Variants in ATG10 observed in about 807,000 individuals in gnomAD.
ATG10 encodes the protein autophagy related 10.
In ATG10, 30 loss-of-function variants were observed where a neutral mutation model predicts 32.1. That is an observed-to-expected ratio of 0.94 (90% CI 0.70 to 1.27). The LOEUF is 1.27. ATG10 is among the 50% of genes most tolerant of loss of function. ATG10 has a pLI of 0.00. For missense variants in ATG10, 233 were observed against 262.3 expected (o/e 0.89, Z 0.77); for synonymous variants, 87 against 91.5 (o/e 0.95, Z 0.28).
intron 3 of ATG10, among the ~76,000 whole-genome samples, chr5:82,067,270 C>T (rs1763969219): frequency 6.6e-6 from 1 of 152,076 alleles, no homozygotes; most frequent in Non-Finnish European, 1.5e-5. Flanking sequence ...GAAAACCAGT[C>T]ATGTCAGATT....
chr5:82,119,175 T>A (rs1175425291), intron 3 of ATG10, among the ~76,000 whole-genome samples: 6 of 152,224 alleles, frequency 3.9e-5, no homozygotes, highest in Non-Finnish European at 7.3e-5. Flanking sequence ...AGATTGTTTA[T>A]TGCCTGACTA....
At chr5:82,246,087 T>G (rs74912765) in intron 5 of ATG10, among the ~76,000 whole-genome samples, 1 of 151,716 alleles carries the variant, frequency 6.6e-6, no homozygotes, top group Non-Finnish European at 1.5e-5. Flanking sequence ...TTTTTTTTTT[T>G]TTGAAACAGA....
At chr5:82,139,839 TG>T (rs1165683112) in intron 3 of ATG10, among the ~76,000 whole-genome samples, 2 of 116,024 alleles carry the variant, frequency 1.7e-5, no homozygotes, top group African/African-American at 6.9e-5. Context: ...GGGAGGGAGA[TG>T]GGGGGGTCAG....
At chr5:82,244,015 A>C (rs904749492) in intron 5 of ATG10, among the ~76,000 whole-genome samples, 3 of 152,204 alleles carry the variant, frequency 2.0e-5, no homozygotes, top group Non-Finnish European at 4.4e-5. Flanking sequence ...GGTAGGGACT[A>C]TCACATAGTA....
At chr5:82,023,860 C>T (rs538103974) in intron 2 of ATG10, among the ~76,000 whole-genome samples, 2 of 152,276 alleles carry the variant, frequency 1.3e-5, no homozygotes, top group South Asian at 2.1e-4. Flanking sequence ...GTCTTATAAA[C>T]CCAGTGTTTA....
chr5:82,180,878 C>T (rs1308184512), intron 5 of ATG10, among the ~76,000 whole-genome samples: 1 of 152,018 alleles, frequency 6.6e-6, no homozygotes, highest in African/African-American at 2.4e-5. Context: ...TTTAATTCCA[C>T]GTGTCTTTGT....
intron 2 of ATG10, among the ~76,000 whole-genome samples, chr5:82,011,971 G>A (rs1282110373): frequency 1.3e-5 from 2 of 152,144 alleles, no homozygotes; most frequent in Non-Finnish European, 2.9e-5. Flanking sequence ...GTGCCAACTG[G>A]GATGACTACT....
chr5:82,044,145 G>A (rs911465927), intron 2 of ATG10, among the ~76,000 whole-genome samples: 3 of 152,102 alleles, frequency 2.0e-5, no homozygotes, highest in African/African-American at 7.2e-5. Flanking sequence ...AAGCATGACT[G>A]GAAGGCCTGA....
chr5:82,111,745 C>T (rs1164937862), intron 3 of ATG10, among the ~76,000 whole-genome samples: 1 of 151,736 alleles, frequency 6.6e-6, no homozygotes, highest in Non-Finnish European at 1.5e-5. Context: ...CTACAAATGG[C>T]CTCAAATAGA....
intron 1 of ATG10, among the ~76,000 whole-genome samples, chr5:81,974,189 A>T (rs973763697): frequency 6.6e-6 from 1 of 152,192 alleles, no homozygotes; most frequent in Non-Finnish European, 1.5e-5. Context: ...TTTGAATCAT[A>T]AATATAATCA....
At chr5:81,992,635 CT>C (rs1761498115) in intron 2 of ATG10, among the ~76,000 whole-genome samples, 2 of 151,912 alleles carry the variant, frequency 1.3e-5, no homozygotes, top group Non-Finnish European at 2.9e-5. Flanking sequence ...AACACCTGAC[CT>C]TAAGTGATCT....
chr5:82,189,563 G>C (rs1024114498), intron 5 of ATG10, among the ~76,000 whole-genome samples: 1 of 152,164 alleles, frequency 6.6e-6, no homozygotes, highest in Non-Finnish European at 1.5e-5. Context: ...GCAGCTTACT[G>C]TTCAAATTCA....
chr5:82,128,117 G>GT (rs1428349013), intron 3 of ATG10, among the ~76,000 whole-genome samples: 7 of 150,938 alleles, frequency 4.6e-5, no homozygotes, highest in South Asian at 2.1e-4. Flanking sequence ...CTGATTTTTT[G>GT]TTTTTTTGCC....
At chr5:82,218,385 A>C (rs149351344) in intron 5 of ATG10, among the ~76,000 whole-genome samples, 33 of 152,256 alleles carry the variant, frequency 2.2e-4, no homozygotes, top group African/African-American at 7.7e-4. Flanking sequence ...CATATGTCTT[A>C]CTTTCATCCT....
At chr5:82,133,809 G>T (rs1360702934) in intron 3 of ATG10, among the ~76,000 whole-genome samples, 1 of 151,718 alleles carries the variant, frequency 6.6e-6, no homozygotes, top group Admixed American at 6.6e-5. Context: ...ATAAATTTGG[G>T]CAGTATGGCC....
intron 4 of ATG10, among the ~76,000 whole-genome samples, chr5:82,167,603 T>C (rs1743632888): frequency 6.6e-6 from 1 of 152,242 alleles, no homozygotes; most frequent in Non-Finnish European, 1.5e-5. Context: ...CTTTACTCTT[T>C]AGTCTGATAC....
intron 3 of ATG10, among the ~76,000 whole-genome samples, chr5:82,059,408 T>C (rs1344807589): frequency 7.0e-6 from 1 of 142,252 alleles, no homozygotes; most frequent in African/African-American, 2.6e-5. Flanking sequence ...ACACACACAC[T>C]TTTTTTTTTT....
In ATG10 at chr5:82,124,439, T is replaced by C. The variant is rs1033529925; in HGVS notation, c.217-39960T>C. Among the ~76,000 whole-genome samples the C allele has an allele frequency of 4.0e-5, 6 of 151,806 alleles. No homozygotes were observed. In the South Asian group the frequency reaches 1.0e-3, roughly 26 times the overall value. On this transcript the variant is annotated intron_variant, in intron 3 of 7. Coordinates refer to ENST00000282185, the MANE Select transcript of ATG10 (RefSeq NM_031482.5). ...ACATTAGGTATTTCTCCTAATGTTATCCCTCCCATTGTCCCCCACCCCCAA... is the reference window on the plus strand; with the variant it reads ...ACATTAGGTATTTCTCCTAATGTTACCCCTCCCATTGTCCCCCACCCCCAA...
chr5:82,118,354 CA>C (rs1765896686), intron 3 of ATG10, among the ~76,000 whole-genome samples: 1 of 102,190 alleles, frequency 9.8e-6, no homozygotes, highest in Non-Finnish European at 2.0e-5. Flanking sequence ...ATAATATATA[CA>C]TATATATACA....
Sources: allele counts gnomAD v4.1 joint callset (sites outside exome capture counted in the v4.1 genomes callset), GRCh38; gene constraint gnomAD v4.1.1; transcripts MANE v1.5; gene names NCBI Gene and HGNC (gene_info 2026-07-23, HGNC 2026-07-21).